Variants in DNAH11 observed in about 807,000 individuals in gnomAD.
DNAH11 encodes dynein axonemal heavy chain 11.
A neutral mutation model predicts 526.0 loss-of-function variants in DNAH11; 442 were observed. That is an observed-to-expected ratio of 0.84 (90% CI 0.78 to 0.91). DNAH11 has a LOEUF of 0.91. DNAH11 is among the 40% of genes least tolerant of loss of function. The pLI, the probability that DNAH11 is intolerant of heterozygous loss-of-function variation, is 0.00. For synonymous variants in DNAH11, 2,461 were observed against 1,935.9 expected (o/e 1.27, Z -7.12); for missense variants, 6,989 against 5,448.7 (o/e 1.28, Z -8.90).
Position 21,854,362 on chromosome 7 carries a change from A to C in DNAH11, c.11109A>C (p.Glu3703Asp). Reference protein sequence around the residue: ...ENERKINEARECYRPVAARAS... With the variant: ...ENERKINEARDCYRPVAARAS... The stretch of plus-strand genomic sequence containing the variant: ...AAAGAAAAATCAACGAGGCCCGAGA[A>C]TGTTACAGACCAGTGGCAGCAAGAG... The change falls in exon 68 of 82, where the codon GAA (glutamate) becomes GAC (aspartate). Residue 3703 changes from glutamate to aspartate, a missense_variant. Physicochemically the swap from Glu to Asp is conservative, Grantham distance 45. Coordinates refer to ENST00000409508, the MANE Select transcript of DNAH11 (RefSeq NM_001277115.2). 6.2e-7 allele frequency: 1 copy of C among 1,613,834 alleles called. No individual in the cohort carries two copies. The highest frequency in any genetic ancestry group is 8.5e-7 in the Non-Finnish European group (1 of 1,179,850).
At position 21,866,401 on chromosome 7, in the gene DNAH11, A is replaced by G. The variant is rs1250537601; in HGVS notation, c.11497-69A>G. The G allele has an allele frequency of 6.2e-6, 9 of 1,443,292 alleles. No homozygotes were observed. The Admixed American group carries it at 1.5e-4, about 24-fold the overall frequency. The allele number at this position is 1,443,292 out of a possible 1,614,324, so 89.4% of individuals were successfully genotyped here. A position where few individuals can be genotyped will look rare whatever the true frequency, so the allele number is the denominator to read the frequency against. ...TTTTTACATAAGATTAGATACATTC[A>G]CAAGTCTTCTTCTCAAACTGTAAAG... On this transcript the variant is annotated intron_variant, in intron 70 of 81. Coordinates refer to ENST00000409508, the MANE Select transcript of DNAH11 (RefSeq NM_001277115.2).
intron 54 of DNAH11, among the ~76,000 whole-genome samples, chr7:21,760,464 G>C (rs1357779950): frequency 6.6e-6 from 1 of 152,170 alleles, no homozygotes; most frequent in Non-Finnish European, 1.5e-5. Context: ...CACATCAAAA[G>C]ACTAGACTCT....
intron 66 of DNAH11, among the ~76,000 whole-genome samples, chr7:21,847,619 C>T (rs2128020279): frequency 6.6e-6 from 1 of 152,234 alleles, no homozygotes; most frequent in Middle Eastern, 3.4e-3. Flanking sequence ...TCCATGTGAG[C>T]TTGAGAAAAA....
chr7:21,624,472 A>G (rs1393666291), intron 25 of DNAH11, among the ~76,000 whole-genome samples: 1 of 152,002 alleles, frequency 6.6e-6, no homozygotes, highest in Non-Finnish European at 1.5e-5. Flanking sequence ...AGCTGTTAGG[A>G]TTTTCTAAAT....
chr7:21,733,395 AAAG>A (rs1441269803), intron 45 of DNAH11, among the ~76,000 whole-genome samples: 10 of 152,194 alleles, frequency 6.6e-5, no homozygotes, highest in African/African-American at 1.7e-4. Flanking sequence ...TCTCAAAAAA[AAAG>A]AAGCAGGGAA....
intron 66 of DNAH11, among the ~76,000 whole-genome samples, chr7:21,844,975 C>G (rs1359505237): frequency 6.6e-6 from 1 of 152,178 alleles, no homozygotes; most frequent in Middle Eastern, 3.2e-3. Flanking sequence ...TTCAAAGGAC[C>G]ACTGGCTTGC....
chr7:21,733,589 T>C (rs900228862), intron 45 of DNAH11, among the ~76,000 whole-genome samples: 1 of 152,226 alleles, frequency 6.6e-6, no homozygotes, highest in Non-Finnish European at 1.5e-5. Context: ...ACAAGATTGA[T>C]GCACCTTAGC....
chr7:21,588,195 G>C lies in DNAH11; in HGVS notation c.1842G>C (p.Met614Ile), dbSNP rs1332895816. The part of the protein sequence containing the change: ...DVCKQLYNEH[M>I]KQIECGHVVL... ...GTAAGCAACTGTATAATGAACACAT[G>C]AAACAGGTAAGTGGTGGATAAGGTT... is the stretch of plus-strand genomic sequence containing the variant. The change falls in exon 10 of 82, where the codon ATG (methionine) becomes ATC (isoleucine). Residue 614 changes from methionine to isoleucine, a missense_variant. Physicochemically the swap from Met to Ile is conservative, Grantham distance 10. Transcript: ENST00000409508. 6.2e-7 allele frequency: 1 copy of C among 1,611,284 alleles called. No individual in the cohort carries two copies. The highest frequency in any genetic ancestry group is 1.7e-5 in the Admixed American group (1 of 59,548).
intron 36 of DNAH11, 65 bp downstream of exon 36, chr7:21,698,278 A>G (rs1474835215): frequency 1.3e-6 from 2 of 1,577,404 alleles, no homozygotes; most frequent in East Asian, 2.2e-5. Flanking sequence ...TGAAGTATGG[A>G]TTTTAGGTAA....
chr7:21,626,745 C>CTT (rs34136253), intron 25 of DNAH11, among the ~76,000 whole-genome samples: 68 of 66,360 alleles, frequency 1.0e-3, no homozygotes, highest in Admixed American at 1.3e-3. Flanking sequence ...TTCTGTATGT[C>CTT]TTTTTTTTTT....
At chr7:21,794,464 ACTAT>A (rs1174189928) in intron 61 of DNAH11, among the ~76,000 whole-genome samples, 3 of 152,146 alleles carry the variant, frequency 2.0e-5, no homozygotes, top group Non-Finnish European at 4.4e-5. Context: ...CCTTTTCAGC[ACTAT>A]ATGGAACATT....
intron 54 of DNAH11, 79 bp from the exon 55 acceptor site, chr7:21,765,349 C>T: frequency 1.3e-6 from 2 of 1,595,968 alleles, no homozygotes; most frequent in South Asian, 2.2e-5. Flanking sequence ...ACTCCTTTCT[C>T]TCATTGTCTA....
At chr7:21,677,713 T>G (rs1265521953) in intron 30 of DNAH11, among the ~76,000 whole-genome samples, 2 of 152,220 alleles carry the variant, frequency 1.3e-5, no homozygotes, top group Non-Finnish European at 2.9e-5. Context: ...ATGTCACTCT[T>G]GTAGTAGGTT....
chr7:21,567,771 T>A (rs1783732044), intron 6 of DNAH11, among the ~76,000 whole-genome samples: 1 of 152,264 alleles, frequency 6.6e-6, no homozygotes, highest in African/African-American at 2.4e-5. Context: ...TTCTTTTCTC[T>A]TGTTTTCTAG....
At position 21,711,965 on chromosome 7, in the gene DNAH11, C is replaced by T. The variant is rs189026326; in HGVS notation, c.6983+105C>T. ...CATTCATGTTGTTGCACAGCTGTCACCACCATCCATCTCTGGAAGGATTTT... is the reference window on the plus strand; with the variant it reads ...CATTCATGTTGTTGCACAGCTGTCATCACCATCCATCTCTGGAAGGATTTT... On this transcript the variant is annotated intron_variant, in intron 42 of 81. Coordinates refer to ENST00000409508, the MANE Select transcript of DNAH11 (RefSeq NM_001277115.2). The T allele has an allele frequency of 9.8e-4, 1,275 of 1,300,984 alleles. 7 individuals are homozygous for T. In the African/African-American group the frequency reaches 0.015, roughly 15 times the overall value. 80.6% of individuals were successfully genotyped at this position (1,300,984 alleles called of 1,614,324 possible).
intron 21 of DNAH11, 57 bp from the exon 22 acceptor site, chr7:21,616,152 C>T (rs1187865503): frequency 9.9e-6 from 13 of 1,316,938 alleles, no homozygotes; most frequent in Non-Finnish European, 1.4e-5. Flanking sequence ...TATTTTGCTG[C>T]AGAGACTTGC....
rs554818026 is a variant in DNAH11, at chr7:21,811,302, A to T, written c.10332+3253A>T. On this transcript the variant is annotated intron_variant, in intron 63 of 81. Coordinates refer to ENST00000409508, the MANE Select transcript of DNAH11 (RefSeq NM_001277115.2). ...ACATGGTGAAACCCCCCCCCCTACT[A>T]AAAATTAGCCAGGCGTGGTGGTGGG... Among the ~76,000 whole-genome samples, 9 of 151,766 alleles carry T rather than the reference A, an allele frequency of 5.9e-5. No individual in the cohort carries two copies. In the East Asian group the frequency reaches 1.6e-3, roughly 26 times the overall value.
At chr7:21,858,019 A>G (rs983891696) in intron 68 of DNAH11, among the ~76,000 whole-genome samples, 1 of 152,180 alleles carries the variant, frequency 6.6e-6, no homozygotes, top group African/African-American at 2.4e-5. Flanking sequence ...TTCTCAATAC[A>G]TATATATAAA....
chr7:21,861,461 T>C (rs1783061581), intron 68 of DNAH11, among the ~76,000 whole-genome samples: 1 of 152,236 alleles, frequency 6.6e-6, no homozygotes, highest in African/African-American at 2.4e-5. Context: ...TTCTTGTGGT[T>C]ACACAAGAAT....
Sources: allele counts gnomAD v4.1 joint callset (sites outside exome capture counted in the v4.1 genomes callset), GRCh38; gene constraint gnomAD v4.1.1; transcripts MANE v1.5; gene names NCBI Gene and HGNC (gene_info 2026-07-23, HGNC 2026-07-21).